The following TMCC1 variants were observed in gnomAD, a reference collection of about 807,000 sequenced individuals.
TMCC1 encodes transmembrane and coiled-coil domain family 1, also known as transmembrane and coiled-coil domains protein 1.
Under a neutral mutation model 52.4 loss-of-function variants are expected in TMCC1, and 15 were observed. The ratio of observed to expected loss-of-function variants is 0.29; its 90% CI spans 0.19 to 0.44. The LOEUF is 0.44. TMCC1 is among the 20% of genes least tolerant of loss of function. TMCC1 has a pLI of 1.00. For synonymous variants in TMCC1, 279 were observed against 301.9 expected (o/e 0.92, Z 0.79); for missense variants, 503 against 806.0 (o/e 0.62, Z 4.55).
intron 3 of TMCC1, among the ~76,000 whole-genome samples, chr3:129,831,676 C>A (rs907043418): frequency 6.6e-6 from 1 of 152,196 alleles, no homozygotes; most frequent in East Asian, 1.9e-4. Context: ...GGCAAAAATA[C>A]CAACAATAGT....
intron 4 of TMCC1, among the ~76,000 whole-genome samples, chr3:129,789,770 G>A (rs1336999047): frequency 1.3e-5 from 2 of 152,144 alleles, no homozygotes; most frequent in Non-Finnish European, 2.9e-5. Flanking sequence ...GTGAGCCACC[G>A]TGCCCGGCTC....
At chr3:129,725,151 C>T (rs1365837608) in intron 4 of TMCC1, among the ~76,000 whole-genome samples, 1 of 152,158 alleles carries the variant, frequency 6.6e-6, no homozygotes, top group Non-Finnish European at 1.5e-5. Context: ...TCTTGCTCTG[C>T]CATCCAGGCT....
intron 4 of TMCC1, among the ~76,000 whole-genome samples, chr3:129,707,699 C>T (rs1450169067): frequency 1.3e-5 from 2 of 151,852 alleles, no homozygotes; most frequent in East Asian, 3.9e-4. Flanking sequence ...TTTGGGAGGC[C>T]GAGGCGGGCG....
At chr3:129,772,076 T>C (rs2054625234) in intron 4 of TMCC1, among the ~76,000 whole-genome samples, 1 of 152,168 alleles carries the variant, frequency 6.6e-6, no homozygotes. Flanking sequence ...TAAAAAACTT[T>C]GGCCAGGTGT....
At chr3:129,662,367 T>C (rs1217096237) in intron 5 of TMCC1, among the ~76,000 whole-genome samples, 1 of 152,210 alleles carries the variant, frequency 6.6e-6, no homozygotes, top group Non-Finnish European at 1.5e-5. Flanking sequence ...CAGTCAATTG[T>C]TCCTAGGCTA....
At chr3:129,872,245 C>A (rs1347399999) in intron 2 of TMCC1, among the ~76,000 whole-genome samples, 1 of 152,132 alleles carries the variant, frequency 6.6e-6, no homozygotes, top group African/African-American at 2.4e-5. Flanking sequence ...CTATCATATT[C>A]TCTTTCCTAG....
At chr3:129,658,175 C>A (rs753076965) in intron 5 of TMCC1, among the ~76,000 whole-genome samples, 3 of 152,208 alleles carry the variant, frequency 2.0e-5, no homozygotes, top group Admixed American at 2.0e-4. Context: ...GAACATAAAA[C>A]ACAAATGTGA....
At chr3:129,785,159 T>C (rs1166280553) in intron 4 of TMCC1, among the ~76,000 whole-genome samples, 2 of 152,152 alleles carry the variant, frequency 1.3e-5, no homozygotes, top group Non-Finnish European at 2.9e-5. Flanking sequence ...GGCTTCAAGA[T>C]GAACAAGGAT....
At chr3:129,804,174 AT>A (rs2057337144) in intron 4 of TMCC1, among the ~76,000 whole-genome samples, 1 of 152,234 alleles carries the variant, frequency 6.6e-6, no homozygotes. Flanking sequence ...GTTGTTTAGA[AT>A]TGTTAAGTCT....
At chr3:129,852,295 C>A (rs185304603) in intron 2 of TMCC1, among the ~76,000 whole-genome samples, 3 of 151,680 alleles carry the variant, frequency 2.0e-5, no homozygotes, top group Admixed American at 2.0e-4. Context: ...TGTCTCTACT[C>A]AAAATACAAA....
At chr3:129,810,308 A>T (rs1054765145) in intron 4 of TMCC1, among the ~76,000 whole-genome samples, 1 of 152,064 alleles carries the variant, frequency 6.6e-6, no homozygotes, top group Admixed American at 6.6e-5. Context: ...CAGTGAGCCA[A>T]GATTGCACCA....
intron 5 of TMCC1, among the ~76,000 whole-genome samples, chr3:129,656,383 A>G (rs187334516): frequency 6.6e-6 from 1 of 152,372 alleles, no homozygotes; most frequent in Non-Finnish European, 1.5e-5. Flanking sequence ...TAACACCAGC[A>G]TGTGAGTCTC....
chr3:129,778,417 A>C (rs1047246100), intron 4 of TMCC1, among the ~76,000 whole-genome samples: 1 of 152,216 alleles, frequency 6.6e-6, no homozygotes, highest in Non-Finnish European at 1.5e-5. Flanking sequence ...CCTTTGTTCC[A>C]TCACTGATGA....
chr3:129,730,310 AATTT>A (rs1282616062), intron 4 of TMCC1, among the ~76,000 whole-genome samples: 1 of 150,562 alleles, frequency 6.6e-6, no homozygotes, highest in Admixed American at 6.6e-5. Flanking sequence ...TTTATATATT[AATTT>A]ATGATTTATT....
intron 2 of TMCC1, among the ~76,000 whole-genome samples, chr3:129,854,887 TG>T (rs1469794562): frequency 6.6e-6 from 1 of 152,198 alleles, no homozygotes; most frequent in Non-Finnish European, 1.5e-5. Context: ...CTAAGTTCCA[TG>T]GGGGAAGGGT....
intron 2 of TMCC1, among the ~76,000 whole-genome samples, chr3:129,840,451 C>A (rs541942373): frequency 6.6e-6 from 1 of 151,272 alleles, no homozygotes; most frequent in East Asian, 1.9e-4. Flanking sequence ...ACTAATTAAT[C>A]AAAAGAAAGC....
chr3:129,720,237 G>C (rs2049462584), intron 4 of TMCC1, among the ~76,000 whole-genome samples: 1 of 151,812 alleles, frequency 6.6e-6, no homozygotes, highest in South Asian at 2.1e-4. Flanking sequence ...AGTGAAACTG[G>C]GTTTGGTCAT....
At chr3:129,783,191 CTCTTTAGCTAGAT>C (rs1300941975) in intron 4 of TMCC1, among the ~76,000 whole-genome samples, 1 of 152,196 alleles carries the variant, frequency 6.6e-6, no homozygotes, top group African/African-American at 2.4e-5. Context: ...TCCTTTTACT[CTCTTTAGCTAGAT>C]TCAGAAAGGT....
At chr3:129,806,529 A>G (rs1031336468) in intron 4 of TMCC1, among the ~76,000 whole-genome samples, 1 of 152,204 alleles carries the variant, frequency 6.6e-6, no homozygotes, top group African/African-American at 2.4e-5. Flanking sequence ...CTTGCAATAA[A>G]CTAGTCTCTG....
Sources: allele counts gnomAD v4.1 joint callset (sites outside exome capture counted in the v4.1 genomes callset), GRCh38; gene constraint gnomAD v4.1.1; transcripts MANE v1.5; gene names NCBI Gene and HGNC (gene_info 2026-07-23, HGNC 2026-07-21).